NLGN1: variants seen among roughly 807,000 people sequenced by gnomAD.
The protein encoded by NLGN1 is neuroligin-1.
A neutral mutation model predicts 65.5 loss-of-function variants in NLGN1; 12 were observed. The ratio of observed to expected loss-of-function variants is 0.18; its 90% CI spans 0.12 to 0.30. The LOEUF (loss-of-function observed/expected upper bound fraction) is 0.30. Among genes scored for constraint, NLGN1 ranks in the 10% least tolerant of loss-of-function variants. The probability of loss-of-function intolerance (pLI) is 1.00; values close to 1 mark genes in which losing one functional copy is unlikely to be tolerated. For missense variants in NLGN1, 750 were observed against 1,007.1 expected (o/e 0.74, Z 3.46); for synonymous variants, 350 against 359.5 (o/e 0.97, Z 0.30).
intron 4 of NLGN1, among the ~76,000 whole-genome samples, chr3:174,149,970 AAATTACACCACTT>A (rs1724025235): frequency 6.6e-6 from 1 of 152,276 alleles, no homozygotes; most frequent in Admixed American, 6.5e-5. Context: ...ATACATGGAT[AAATTACACCACTT>A]ATTGATTCAT....
chr3:173,771,891 TC>T (rs1346243500), intron 3 of NLGN1, among the ~76,000 whole-genome samples: 1 of 151,894 alleles, frequency 6.6e-6, no homozygotes, highest in East Asian at 1.9e-4. Flanking sequence ...CATCTATAGA[TC>T]CTAAGATAGC....
Position 173,866,578 on chromosome 3 carries a change from C to T in NLGN1, c.646+58746C>T, listed in dbSNP as rs140652226. Among the ~76,000 whole-genome samples, 359 of 152,230 alleles carry T rather than the reference C, an allele frequency of 2.4e-3. 1 individual carries two copies. Among genetic ancestry groups the T allele is most frequent in the African/African-American group, 8.1e-3 (336 of 41,556 alleles). Reference sequence around the variant, plus strand: ...TTTAGAATTGAATTTTTCAAATTGACTTATATACAGTTGATTTTATATTCT... The same window carrying T: ...TTTAGAATTGAATTTTTCAAATTGATTTATATACAGTTGATTTTATATTCT... On this transcript the variant is annotated intron_variant, in intron 4 of 6. Transcript: ENST00000457714.
chr3:174,249,984 G>C (rs575908399), intron 4 of NLGN1, among the ~76,000 whole-genome samples: 37 of 152,294 alleles, frequency 2.4e-4, no homozygotes, highest in Middle Eastern at 6.8e-3. Context: ...AAAAAGTTAA[G>C]TGTTCAGCAG....
chr3:174,136,173 A>G (rs1019506092), intron 4 of NLGN1, among the ~76,000 whole-genome samples: 1 of 152,148 alleles, frequency 6.6e-6, no homozygotes, highest in Non-Finnish European at 1.5e-5. Flanking sequence ...GTTACAAAAG[A>G]TGTTTGTAAG....
intron 3 of NLGN1, among the ~76,000 whole-genome samples, chr3:173,804,509 C>A (rs1716176578): frequency 6.6e-6 from 1 of 151,810 alleles, no homozygotes; most frequent in Admixed American, 6.6e-5. Context: ...TAAATGCCCC[C>A]TTCAACATTA....
chr3:173,420,179 A>G (rs1714757365), intron 1 of NLGN1, among the ~76,000 whole-genome samples: 1 of 151,758 alleles, frequency 6.6e-6, no homozygotes, highest in African/African-American at 2.4e-5. Context: ...GCACCCATTA[A>G]CTTGTCATTT....
chr3:174,283,219 A>G (rs1033694515), exon 7 of NLGN1: 1 of 151,474 alleles, frequency 6.6e-6, no homozygotes, highest in Admixed American at 6.6e-5. Flanking sequence ...CAGGTTTTTG[A>G]AGACATATAG....
chr3:174,285,495 T>C (rs1000055900), exon 7 of NLGN1: 2 of 151,542 alleles, frequency 1.3e-5, no homozygotes, highest in African/African-American at 2.4e-5. Flanking sequence ...TTCTGGTCAA[T>C]AGACTAAGGG....
intron 2 of NLGN1, among the ~76,000 whole-genome samples, chr3:173,597,946 G>A (rs1749774469): frequency 6.6e-6 from 1 of 151,820 alleles, no homozygotes; most frequent in Non-Finnish European, 1.5e-5. Flanking sequence ...TTTCTGATTT[G>A]TTATTATATC....
chr3:174,151,530 T>G (rs1724345274), intron 4 of NLGN1, among the ~76,000 whole-genome samples: 1 of 151,776 alleles, frequency 6.6e-6, no homozygotes, highest in Admixed American at 6.6e-5. Context: ...TTAGAATGTA[T>G]TTATCTTTTT....
At chr3:173,721,659 A>G (rs892435050) in intron 3 of NLGN1, among the ~76,000 whole-genome samples, 3 of 152,206 alleles carry the variant, frequency 2.0e-5, no homozygotes. Context: ...CATTTTATGT[A>G]ATTATTTATG....
At chr3:173,919,843 TTTTC>T (rs1342634385) in intron 4 of NLGN1, among the ~76,000 whole-genome samples, 3 of 152,104 alleles carry the variant, frequency 2.0e-5, no homozygotes, top group Non-Finnish European at 4.4e-5. Context: ...GAAGACTCAT[TTTTC>T]TTTCTTAATA....
chr3:173,705,195 T>C (rs1767871277), intron 3 of NLGN1, among the ~76,000 whole-genome samples: 1 of 152,154 alleles, frequency 6.6e-6, no homozygotes, highest in East Asian at 1.9e-4. Context: ...GATGAATTTG[T>C]GACCTACATC....
intron 4 of NLGN1, among the ~76,000 whole-genome samples, chr3:174,173,741 C>G (rs1013323771): frequency 6.6e-6 from 1 of 151,392 alleles, no homozygotes; most frequent in Non-Finnish European, 1.5e-5. Context: ...TTTCTCAGTT[C>G]TTTAATTTAA....
intron 4 of NLGN1, among the ~76,000 whole-genome samples, chr3:174,126,331 G>A (rs1718940232): frequency 6.6e-6 from 1 of 152,084 alleles, no homozygotes; most frequent in East Asian, 1.9e-4. Flanking sequence ...AGACCATAGT[G>A]TAGAGGAAAG....
At chr3:174,045,376 G>A (rs374105186) in intron 4 of NLGN1, among the ~76,000 whole-genome samples, 87 of 152,140 alleles carry the variant, frequency 5.7e-4, no homozygotes, top group African/African-American at 1.8e-3. Flanking sequence ...GAGGGGAAAA[G>A]CCCCTCATAA....
chr3:173,838,218 T>TA (rs35482273), intron 4 of NLGN1, among the ~76,000 whole-genome samples: 119,469 of 148,014 alleles, frequency 0.81, 48,842 homozygotes, highest in African/African-American at 0.92. Flanking sequence ...CAGGGAAAAT[T>TA]AAAAAAAAAA....
At chr3:173,936,505 G>A (rs1463812310) in intron 4 of NLGN1, among the ~76,000 whole-genome samples, 1 of 152,012 alleles carries the variant, frequency 6.6e-6, no homozygotes, top group Non-Finnish European at 1.5e-5. Context: ...GGATGGCTAG[G>A]ATTACAATGG....
chr3:173,703,385 G>A (rs1767554165), intron 3 of NLGN1, among the ~76,000 whole-genome samples: 1 of 151,978 alleles, frequency 6.6e-6, no homozygotes, highest in Admixed American at 6.6e-5. Flanking sequence ...TTAAAAATTG[G>A]TAATCAACAG....
Sources: gnomAD v4.1 joint callset for allele counts (sites outside exome capture counted in the v4.1 genomes callset) on GRCh38, gnomAD v4.1.1 for gene constraint, MANE v1.5 for transcripts, NCBI Gene and HGNC (gene_info 2026-07-23, HGNC 2026-07-21) for gene names.